The following NLN variants were observed in gnomAD, a reference collection of about 807,000 sequenced individuals.
The protein encoded by NLN is neurolysin.
In NLN, 64 loss-of-function variants were observed where a neutral mutation model predicts 79.9. The ratio of observed to expected loss-of-function variants is 0.80; its 90% CI spans 0.65 to 0.99. The LOEUF (loss-of-function observed/expected upper bound fraction) is 0.99. Among genes scored for constraint, NLN ranks in the 50% least tolerant of loss-of-function variants. The pLI, the probability that NLN is intolerant of heterozygous loss-of-function variation, is 0.00. For missense variants in NLN, 835 were observed against 858.7 expected, an observed-to-expected ratio of 0.97 and a Z score of 0.34; for synonymous variants, 267 against 296.6, an observed-to-expected ratio of 0.90 and a Z score of 1.02.
chr5:65,771,329 C>A (rs973123559), intron 3 of NLN, among the ~76,000 whole-genome samples: 4 of 151,582 alleles, frequency 2.6e-5, no homozygotes, highest in Non-Finnish European at 5.9e-5. Flanking sequence ...AAAAAGCCAA[C>A]AAACATCCAA....
intron 3 of NLN, among the ~76,000 whole-genome samples, chr5:65,773,283 C>A (rs1759610118): frequency 6.6e-6 from 1 of 152,076 alleles, no homozygotes; most frequent in Non-Finnish European, 1.5e-5. Context: ...AAGCTTGCAC[C>A]ACCATCTCCA....
chr5:65,752,148 G>A (rs1024824527), intron 1 of NLN, among the ~76,000 whole-genome samples: 2 of 152,012 alleles, frequency 1.3e-5, no homozygotes, highest in Non-Finnish European at 2.9e-5. Flanking sequence ...TCAGGTAAGA[G>A]GATCACCTGA....
intron 8 of NLN, among the ~76,000 whole-genome samples, chr5:65,790,012 T>G (rs1396859957): frequency 3.9e-5 from 6 of 152,242 alleles, no homozygotes; most frequent in Admixed American, 3.9e-4. Context: ...GCAAATCATC[T>G]TCCCCAGATA....
intron 12 of NLN, among the ~76,000 whole-genome samples, chr5:65,822,351 G>A (rs1760821490): frequency 6.6e-6 from 1 of 152,126 alleles, no homozygotes; most frequent in Admixed American, 6.5e-5. Context: ...CATAAAAGCA[G>A]CAGAAACCAT....
chr5:65,741,169 G>C (rs890184163), intron 1 of NLN, among the ~76,000 whole-genome samples: 3 of 151,984 alleles, frequency 2.0e-5, no homozygotes, highest in Non-Finnish European at 2.9e-5. Flanking sequence ...ACCATGCCTG[G>C]CCTTTGTAAT....
chr5:65,786,061 C>T, intron 7 of NLN, 151 bp downstream of exon 7: 1 of 623,882 alleles, frequency 1.6e-6, no homozygotes, highest in Non-Finnish European at 2.6e-6. Flanking sequence ...AGATAGTGTG[C>T]TTGGTTGTAG....
intron 9 of NLN, among the ~76,000 whole-genome samples, chr5:65,803,501 C>T (rs1470633501): frequency 3.3e-5 from 5 of 152,286 alleles, no homozygotes; most frequent in South Asian, 4.1e-4. Context: ...GAGCAGGTGC[C>T]GCTAATGGGT....
intron 1 of NLN, among the ~76,000 whole-genome samples, chr5:65,755,997 G>C (rs1175113785): frequency 6.6e-6 from 1 of 152,066 alleles, no homozygotes; most frequent in East Asian, 1.9e-4. Flanking sequence ...TACCCCTGCT[G>C]CTCCCCTGAC....
At chr5:65,744,534 T>C (rs1758933649) in intron 1 of NLN, among the ~76,000 whole-genome samples, 2 of 151,508 alleles carry the variant, frequency 1.3e-5, no homozygotes, top group Admixed American at 6.6e-5. Context: ...TAGATGATAG[T>C]AACAAGTCAA....
At chr5:65,777,570 A>AAATG (rs769733121) in intron 4 of NLN, 36 bp downstream of exon 4, 3 of 1,322,836 alleles carry the variant, frequency 2.3e-6, no homozygotes, top group Non-Finnish European at 3.2e-6. Flanking sequence ...CAGAAAAAAA[A>AAATG]AATGAATAAA....
intron 3 of NLN, among the ~76,000 whole-genome samples, chr5:65,776,597 A>G (rs929350781): frequency 2.0e-5 from 3 of 152,212 alleles, no homozygotes; most frequent in Non-Finnish European, 4.4e-5. Flanking sequence ...GAATCTGTCC[A>G]GAGTCCATTT....
chr5:65,753,582 G>A (rs994091938), intron 1 of NLN, among the ~76,000 whole-genome samples: 12 of 151,684 alleles, frequency 7.9e-5, no homozygotes, highest in Admixed American at 6.6e-5. Flanking sequence ...CCTGGGAGGC[G>A]GAGGTTGCAG....
At chr5:65,765,659 T>A (rs1213389779) in intron 3 of NLN, among the ~76,000 whole-genome samples, 4 of 151,266 alleles carry the variant, frequency 2.6e-5, no homozygotes, top group African/African-American at 9.7e-5. Context: ...CACTGAGCAG[T>A]GGTTGTGCCA....
At chr5:65,782,145 G>A (rs1484639828) in intron 6 of NLN, among the ~76,000 whole-genome samples, 1 of 152,190 alleles carries the variant, frequency 6.6e-6, no homozygotes, top group Admixed American at 6.5e-5. Flanking sequence ...TTCTTGGTTA[G>A]CTTGTTGGAC....
chr5:65,758,600 G>T lies in NLN; in HGVS notation c.75G>T (p.Thr25=). The change falls in exon 2 of 13, where the codon ACG becomes ACT. Residue 25 remains threonine (T), a synonymous_variant. Transcript: ENST00000380985. ...VGGSRILLRM[T]LGREVMSPLQ... is the part of the protein sequence containing the mutation. ...GTTCCAGGATTTTACTCAGAATGAC[G>T]TTAGGAAGAGAAGTGATGTCTCCTC... The T allele has an allele frequency of 6.2e-7, 1 of 1,609,638 alleles. No individual in the cohort carries two copies. The highest frequency in any genetic ancestry group is 8.5e-7 in the Non-Finnish European group (1 of 1,176,170).
In NLN at chr5:65,811,389, T is replaced by C. The variant is rs1405399133; in HGVS notation, c.1844-866T>C. The stretch of plus-strand genomic sequence containing the variant: ...CCTGTTATGCTATCAAGAAGGGACA[T>C]TTTTAGGCCTGGCATGGTGGCTCAC... On this transcript the variant is annotated intron_variant, in intron 11 of 12. Coordinates refer to ENST00000380985, the MANE Select transcript of NLN (RefSeq NM_020726.5). Among the ~76,000 whole-genome samples the C allele has an allele frequency of 2.0e-5, 3 of 152,148 alleles. No individual in the cohort carries two copies. The East Asian group carries it at 5.8e-4, about 29-fold the overall frequency.
At chr5:65,814,317 C>T (rs1760621824) in intron 12 of NLN, among the ~76,000 whole-genome samples, 1 of 152,094 alleles carries the variant, frequency 6.6e-6, no homozygotes, top group African/African-American at 2.4e-5. Context: ...TCACAGCCCT[C>T]AGCTGGGCAA....
intron 12 of NLN, chr5:65,818,774 C>G (rs961611838): frequency 6.6e-5 from 10 of 152,298 alleles, no homozygotes; most frequent in Admixed American, 5.2e-4. Context: ...TGGTCGCTCT[C>G]TGCCCTGATG....
chr5:65,808,672 G>GT (rs926213600), intron 9 of NLN, among the ~76,000 whole-genome samples: 4 of 152,104 alleles, frequency 2.6e-5, no homozygotes, highest in Admixed American at 6.5e-5. Context: ...AACCTCTTTT[G>GT]TTTTTTTAAC....
Sources: gnomAD v4.1 joint callset for allele counts (sites outside exome capture counted in the v4.1 genomes callset) on GRCh38, gnomAD v4.1.1 for gene constraint, MANE v1.5 for transcripts, NCBI Gene and HGNC (gene_info 2026-07-23, HGNC 2026-07-21) for gene names.